COA1: variants seen among roughly 807,000 people sequenced by gnomAD.
COA1 encodes cytochrome c oxidase assembly factor 1, also known as cytochrome c oxidase assembly factor 1 homolog.
Under a neutral mutation model 16.0 loss-of-function variants are expected in COA1, and 13 were observed. The ratio of observed to expected loss-of-function variants is 0.81; its 90% confidence interval spans 0.53 to 1.29. The LOEUF is 1.29. COA1 is among the 50% of genes most tolerant of loss of function. The probability of loss-of-function intolerance (pLI) is 0.00; values close to 1 mark genes in which losing one functional copy is unlikely to be tolerated. For missense variants in COA1, 179 were observed against 177.0 expected, an observed-to-expected ratio of 1.01 and a Z score of -0.06; for synonymous variants, 65 against 65.7, an observed-to-expected ratio of 0.99 and a Z score of 0.05.
At chr7:43,697,314 C>G (rs947366908) in intron 1 of COA1, among the ~76,000 whole-genome samples, 7 of 151,880 alleles carry the variant, frequency 4.6e-5, no homozygotes, top group Admixed American at 1.3e-4. Flanking sequence ...ATTTTTGAGA[C>G]AGAATCTCAC....
intron 6 of COA1, chr7:43,631,531 T>C (rs765143884): frequency 1.3e-5 from 2 of 152,276 alleles, no homozygotes; most frequent in Non-Finnish European, 2.9e-5. Context: ...CAGCCACAAG[T>C]TGATAGTTCT....
chr7:43,727,337 T>A (rs1040084003), intron 1 of COA1, among the ~76,000 whole-genome samples: 1 of 152,196 alleles, frequency 6.6e-6, no homozygotes, highest in African/African-American at 2.4e-5. Flanking sequence ...TAAACAGAGC[T>A]ACCATATGAC....
intron 1 of COA1, among the ~76,000 whole-genome samples, chr7:43,685,244 C>T (rs1266247773): frequency 1.3e-5 from 2 of 151,774 alleles, no homozygotes; most frequent in East Asian, 1.9e-4. Context: ...TGGCAAATTC[C>T]ATCACAAAAA....
intron 1 of COA1, among the ~76,000 whole-genome samples, chr7:43,669,469 A>G (rs1178740579): frequency 2.6e-5 from 4 of 151,948 alleles, no homozygotes; most frequent in Admixed American, 2.0e-4. Flanking sequence ...ACATATCCCC[A>G]TATGTGTAGA....
In COA1 at chr7:43,609,667, A is replaced by G. The variant is rs189436649; in HGVS notation, c.*134-172T>C. The G allele has an allele frequency of 2.0e-3, 308 of 152,354 alleles. 1 individual carries two copies. Among genetic ancestry groups the G allele is most frequent in the African/African-American group, 6.8e-3 (282 of 41,584 alleles). The allele number at this position is 152,354 out of a possible 1,614,324, so 9.4% of individuals were successfully genotyped here. A position where few individuals can be genotyped will look rare whatever the true frequency, so the allele number is the denominator to read the frequency against. ...CTGTGGGGAAATGAAACATTCCTCAAACACAGAACATGCCACAGCAACCCT... is the reference window on the plus strand; with the variant it reads ...CTGTGGGGAAATGAAACATTCCTCAGACACAGAACATGCCACAGCAACCCT... On this transcript the variant is annotated intron_variant and NMD_transcript_variant, in intron 6 of 6. Coordinates refer to the COA1 transcript ENST00000415076.
intron 6 of COA1, among the ~76,000 whole-genome samples, chr7:43,629,969 T>C (rs1022258273): frequency 1.3e-5 from 2 of 152,232 alleles, no homozygotes; most frequent in Non-Finnish European, 2.9e-5. Flanking sequence ...ACAGTTAACC[T>C]GAGATGAGGC....
At chr7:43,611,590 T>C (rs889780042) in intron 6 of COA1, among the ~76,000 whole-genome samples, 35 of 152,328 alleles carry the variant, frequency 2.3e-4, no homozygotes, top group African/African-American at 8.2e-4. Context: ...AGATCCTTGC[T>C]GCAAGAAATT....
At chr7:43,638,468 C>A (rs1057093404), downstream of COA1, among the ~76,000 whole-genome samples, 3 of 151,302 alleles carry the variant, frequency 2.0e-5, no homozygotes, top group Non-Finnish European at 4.4e-5. Context: ...CCTAAGGATA[C>A]AATTATCTAA....
intron 1 of COA1, among the ~76,000 whole-genome samples, chr7:43,715,295 G>A (rs919036236): frequency 6.6e-6 from 1 of 151,816 alleles, no homozygotes; most frequent in Admixed American, 6.6e-5. Context: ...ATGTTGCTTG[G>A]TGAAACTCCG....
intron 3 of COA1, chr7:43,646,821 G>A (rs2089448103): frequency 3.5e-6 from 1 of 289,748 alleles, no homozygotes; most frequent in African/African-American, 2.2e-5. Flanking sequence ...GTCTGCTGGT[G>A]ACACTCACAT....
chr7:43,624,555 T>A, intron 6 of COA1: 1 of 1,613,884 alleles, frequency 6.2e-7, no homozygotes, highest in Non-Finnish European at 8.5e-7. Context: ...AAAGCACCCC[T>A]GGTTGACACA....
intron 6 of COA1, among the ~76,000 whole-genome samples, chr7:43,620,817 T>C (rs2153010286): frequency 6.6e-6 from 1 of 152,332 alleles, no homozygotes; most frequent in South Asian, 2.1e-4. Context: ...GTCTGGGTCA[T>C]GGACATCAGT....
chr7:43,701,866 C>A lies in COA1; in HGVS notation c.-39+27563G>T, dbSNP rs145062597. 2.7e-3 allele frequency among the ~76,000 whole-genome samples: 418 copies of A among 152,072 alleles called. 1 individual carries two copies. The highest frequency in any genetic ancestry group is 9.5e-3 in the African/African-American group (393 of 41,504). On this transcript the variant is annotated intron_variant, in intron 1 of 5. Coordinates refer to ENST00000223336, the MANE Select transcript of COA1 (RefSeq NM_018224.4). ...GTGAGCATTTTTTCATGTTTGTTGG[C>A]CATATATATGTCTTCTTTTAAAGTG...
intron 4 of COA1, among the ~76,000 whole-genome samples, chr7:43,644,834 A>T (rs555195582): frequency 3.7e-4 from 56 of 150,518 alleles, no homozygotes; most frequent in African/African-American, 1.3e-3. Context: ...AGAGAGAGAG[A>T]CAGGGTCTTG....
chr7:43,644,085 C>T (rs1182220457), intron 4 of COA1, among the ~76,000 whole-genome samples: 1 of 152,140 alleles, frequency 6.6e-6, no homozygotes, highest in Non-Finnish European at 1.5e-5. Flanking sequence ...TGCCGTATCA[C>T]ACTGACAGGC....
chr7:43,615,245 G>C (rs146990526), intron 6 of COA1, among the ~76,000 whole-genome samples: 1 of 151,994 alleles, frequency 6.6e-6, no homozygotes, highest in African/African-American at 2.4e-5. Flanking sequence ...GCACTATCTC[G>C]GCTCACTGCA....
Position 43,639,585 on chromosome 7 carries a change from C to T in COA1, c.438G>A (p.Glu146=), listed in dbSNP as rs1275142719. 5.6e-6 allele frequency: 9 copies of T among 1,613,284 alleles called. No individual in the cohort carries two copies. Among genetic ancestry groups the T allele is most frequent in the Non-Finnish European group, 7.6e-6 (9 of 1,179,402 alleles). ...SGENGDEVKK[E] is the part of the protein sequence containing the mutation. ...AGCTGGGTCTTCTGGGTCGTCTCTA[C>T]TCCTTTTTCACTTCATCACCGTTTT... Residue 146 remains glutamate, a synonymous_variant, in exon 6 of 6, where the codon GAG becomes GAA. Coordinates refer to ENST00000223336, the MANE Select transcript of COA1 (RefSeq NM_018224.4).
chr7:43,666,137 A>T (rs1482600698), intron 1 of COA1, among the ~76,000 whole-genome samples: 3 of 152,190 alleles, frequency 2.0e-5, no homozygotes, highest in Non-Finnish European at 4.4e-5. Flanking sequence ...GCCACTTAAG[A>T]TGTTCAATCT....
chr7:43,691,461 GAA>G (rs1293324947), intron 1 of COA1, among the ~76,000 whole-genome samples: 7 of 144,308 alleles, frequency 4.9e-5, no homozygotes, highest in Non-Finnish European at 1.0e-4. Context: ...AAGAAAGAAA[GAA>G]AGAAAGAAAG....
Sources: allele counts gnomAD v4.1 joint callset (sites outside exome capture counted in the v4.1 genomes callset), GRCh38; gene constraint gnomAD v4.1.1; transcripts MANE v1.5; gene names NCBI Gene and HGNC (gene_info 2026-07-23, HGNC 2026-07-21).